Variants in COMT observed in about 807,000 individuals in gnomAD.
COMT encodes the protein catechol O-methyltransferase.
In COMT, 13 loss-of-function variants were observed where a neutral mutation model predicts 18.9. That is an observed-to-expected ratio of 0.69 (90% CI 0.45 to 1.09). The LOEUF is 1.09. Ranked by LOEUF, COMT falls within the 50% of genes least tolerant of loss-of-function variation. COMT has a pLI of 0.00. For missense variants in COMT, 329 were observed against 361.8 expected (o/e 0.91, Z 0.73); for synonymous variants, 150 against 160.9 (o/e 0.93, Z 0.51).
At chr22:19,961,124 G>C (rs1942183130) in intron 1 of COMT, 75 bp from the exon 2 acceptor site, 1 of 152,290 alleles carries the variant, frequency 6.6e-6, no homozygotes, top group African/African-American at 2.4e-5. Context: ...AAGGGGCTCA[G>C]GTATCTGGAC....
chr22:19,961,380 C>G (rs1942188506), intron 2 of COMT, 91 bp downstream of exon 2: 1 of 152,306 alleles, frequency 6.6e-6, no homozygotes, highest in Non-Finnish European at 1.5e-5. Context: ...CACATGTCCA[C>G]TCTGCCTGTG....
At chr22:19,942,634 A>T (rs1601502641) in intron 1 of COMT, among the ~76,000 whole-genome samples, 2 of 151,438 alleles carry the variant, frequency 1.3e-5, no homozygotes, top group African/African-American at 4.8e-5. Flanking sequence ...GTTTAAAGTG[A>T]CCCTCCAAGC....
chr22:19,963,004 C>A, intron 3 of COMT, 189 bp downstream of exon 3: 1 of 637,786 alleles, frequency 1.6e-6, no homozygotes, highest in East Asian at 2.8e-5. Context: ...CCTGCAGGCC[C>A]TGCTGCCTGC....
At chr22:19,964,527 C>G (rs1200853121) in intron 5 of COMT, 1 of 683,848 alleles carries the variant, frequency 1.5e-6, no homozygotes, top group Non-Finnish European at 2.6e-6. Flanking sequence ...CTGTTGGGAA[C>G]TGGGGAGCCA....
Position 19,960,582 on chromosome 22 carries a change from G to T in COMT, c.-91-617G>T, listed in dbSNP as rs566971487. ...CGCTGGGAAACACAGTGGGCCACGG[G>T]TTTCCCTGCAGGCCTGGGACCCTTC... On this transcript the variant is annotated intron_variant, in intron 1 of 5. Transcript: ENST00000361682. Among the ~76,000 whole-genome samples, 544 of 152,326 alleles carry T rather than the reference G, an allele frequency of 3.6e-3. 3 individuals are homozygous for T. The highest frequency in any genetic ancestry group is 0.01 in the Middle Eastern group (3 of 294).
At chr22:19,943,993 T>A (rs1941794868) in intron 1 of COMT, among the ~76,000 whole-genome samples, 1 of 152,136 alleles carries the variant, frequency 6.6e-6, no homozygotes, top group African/African-American at 2.4e-5. Context: ...TTCTTTCAAG[T>A]TTATATCAAG....
chr22:19,955,598 G>A (rs9332350), intron 1 of COMT, among the ~76,000 whole-genome samples: 1,588 of 152,346 alleles, frequency 0.01, 27 homozygotes, highest in African/African-American at 0.034. Flanking sequence ...GAGCTGCCCC[G>A]TGTGTAAACG....
chr22:19,965,222 T>A (rs562666916), intron 5 of COMT: 1 of 152,744 alleles, frequency 6.5e-6, no homozygotes, highest in South Asian at 2.1e-4. Flanking sequence ...GTTAGACCTG[T>A]CTTCTGGAGC....
chr22:19,969,825 GAC>G lies in COMT; in HGVS notation c.*1090_*1091del. The G allele has an allele frequency of 1.2e-5, 12 of 984,740 alleles. No individual in the cohort carries two copies. The highest frequency in any genetic ancestry group is 1.4e-5 in the Non-Finnish European group (12 of 829,248). 61.0% of individuals were successfully genotyped at this position (984,740 alleles called of 1,614,324 possible). A position where few individuals can be genotyped will look rare whatever the true frequency, so the allele number is the denominator to read the frequency against. ...CACCTCCACCCAGGGCCCTGCCCCA[GAC>G]GCGCAGAGGCCCGACACAAGGGAGA... On this transcript the variant is annotated 3_prime_UTR_variant, in exon 6 of 6. Coordinates refer to ENST00000361682, the MANE Select transcript of COMT (RefSeq NM_000754.4).
chr22:19,959,806 TGGCTCTTGGCCGTTGGGGCCC>T, intron 1 of COMT, among the ~76,000 whole-genome samples: 1 of 27,354 alleles, frequency 3.7e-5, no homozygotes, highest in Non-Finnish European at 3.5e-4. Context: ...CCATCCCCCA[TGGCTCTTGGCCGTTGGGGCCC>T]AGTTGGCCGC....
At chr22:19,965,757 G>A (rs1356268517) in intron 5 of COMT, 1 of 152,084 alleles carries the variant, frequency 6.6e-6, no homozygotes, top group East Asian at 1.9e-4. Context: ...CTGAACTCAC[G>A]AGGAGGCACT....
intron 1 of COMT, among the ~76,000 whole-genome samples, chr22:19,947,411 C>T (rs1429591702): frequency 6.6e-6 from 1 of 152,026 alleles, no homozygotes; most frequent in African/African-American, 2.4e-5. Flanking sequence ...GTAGTGGCCC[C>T]GAATGCCAGG....
At chr22:19,965,622 G>A (rs1302403526) in intron 5 of COMT, 3 of 152,334 alleles carry the variant, frequency 2.0e-5, no homozygotes, top group East Asian at 3.8e-4. Context: ...TTACAGGCGT[G>A]AGCCACTGCG....
At chr22:19,966,588 G>A (rs1236703582) in intron 5 of COMT, among the ~76,000 whole-genome samples, 2 of 151,284 alleles carry the variant, frequency 1.3e-5, no homozygotes, top group Non-Finnish European at 2.9e-5. Flanking sequence ...CTAAAGGCAT[G>A]CACCACTACA....
chr22:19,963,795 A>T (rs1335720930), intron 4 of COMT, 36 bp downstream of exon 4: 1 of 1,594,830 alleles, frequency 6.3e-7, no homozygotes, highest in Non-Finnish European at 8.5e-7. Flanking sequence ...ACCTGGAAAA[A>T]GGGCCGGCTG....
chr22:19,962,217 T>C (rs1942208159), intron 2 of COMT: 3 of 444,344 alleles, frequency 6.8e-6, no homozygotes, highest in African/African-American at 2.0e-5. Flanking sequence ...TGCTTCTGTA[T>C]TTTGTGTGGT....
intron 5 of COMT, chr22:19,967,303 G>C (rs1285406343): frequency 1.2e-5 from 12 of 996,086 alleles, no homozygotes; most frequent in Non-Finnish European, 1.6e-5. Context: ...GCCCAGACTG[G>C]AAGGCAGCCG....
At chr22:19,952,427 CAGG>C (rs1941960123) in intron 1 of COMT, among the ~76,000 whole-genome samples, 2 of 152,102 alleles carry the variant, frequency 1.3e-5, no homozygotes, top group Admixed American at 1.3e-4. Context: ...ATCATGAGGT[CAGG>C]AGATCGAGAC....
intron 4 of COMT, 127 bp from the exon 5 acceptor site, chr22:19,964,041 C>T (rs1942272463): frequency 9.6e-6 from 15 of 1,564,140 alleles, no homozygotes; most frequent in Non-Finnish European, 1.2e-5. Context: ...CTGATGAATG[C>T]TTGTATGGGT....
Sources: gnomAD v4.1 joint callset for allele counts (sites outside exome capture counted in the v4.1 genomes callset) on GRCh38, gnomAD v4.1.1 for gene constraint, MANE v1.5 for transcripts, NCBI Gene and HGNC (gene_info 2026-07-23, HGNC 2026-07-21) for gene names.